Variants in RBFOX1 observed in about 807,000 individuals in gnomAD.
RBFOX1 encodes the protein RNA binding protein fox-1 homolog 1.
In RBFOX1, 8 loss-of-function variants were observed where a neutral mutation model predicts 57.7. The observed-to-expected ratio is 0.14, with a 90% CI of 0.08 to 0.25. The LOEUF (loss-of-function observed/expected upper bound fraction) is 0.25. Among genes scored for constraint, RBFOX1 ranks in the 10% least tolerant of loss-of-function variants. RBFOX1 has a pLI of 1.00. For missense variants in RBFOX1, 611 were observed against 548.5 expected (o/e 1.11, Z -1.14); for synonymous variants, 326 against 222.4 (o/e 1.47, Z -4.15).
At chr16:6,799,494 G>C (rs571652337) in intron 3 of RBFOX1, among the ~76,000 whole-genome samples, 2 of 152,246 alleles carry the variant, frequency 1.3e-5, no homozygotes, top group African/African-American at 2.4e-5. Flanking sequence ...TAACTTGATT[G>C]GATTGAAGGA....
At chr16:7,127,424 C>G (rs771627655) in intron 4 of RBFOX1, among the ~76,000 whole-genome samples, 3 of 152,100 alleles carry the variant, frequency 2.0e-5, no homozygotes, top group Non-Finnish European at 2.9e-5. Flanking sequence ...ACTATTATCC[C>G]CATCTTATAT....
chr16:6,424,792 A>T (rs1255813132), intron 2 of RBFOX1, among the ~76,000 whole-genome samples: 1 of 152,164 alleles, frequency 6.6e-6, no homozygotes, highest in Non-Finnish European at 1.5e-5. Flanking sequence ...CGTTGCAACC[A>T]TGGTAAATAA....
chr16:6,850,266 A>C (rs776911514), intron 3 of RBFOX1, among the ~76,000 whole-genome samples: 1 of 152,222 alleles, frequency 6.6e-6, no homozygotes, highest in Non-Finnish European at 1.5e-5. Context: ...TAAAAAATAA[A>C]AGTAAATAAA....
chr16:6,742,131 T>C (rs548116026), intron 3 of RBFOX1, among the ~76,000 whole-genome samples: 2 of 152,282 alleles, frequency 1.3e-5, no homozygotes, highest in South Asian at 2.1e-4. Flanking sequence ...AATTTTAAAA[T>C]GTCAAAGAGT....
chr16:5,558,330 C>T (rs1033720058), intron 2 of RBFOX1, among the ~76,000 whole-genome samples: 2 of 152,268 alleles, frequency 1.3e-5, no homozygotes, highest in East Asian at 3.9e-4. Context: ...AGACACCCAA[C>T]CCTAGATGCA....
At chr16:7,473,790 C>T (rs2062045915) in intron 4 of RBFOX1, among the ~76,000 whole-genome samples, 1 of 151,932 alleles carries the variant, frequency 6.6e-6, no homozygotes, top group Admixed American at 6.6e-5. Flanking sequence ...AGTGTGTAGA[C>T]ATTCATTCTC....
intron 10 of RBFOX1, among the ~76,000 whole-genome samples, chr16:7,612,636 C>G (rs977858313): frequency 1.3e-5 from 2 of 151,862 alleles, no homozygotes; most frequent in South Asian, 2.1e-4. Flanking sequence ...TTTTTAAAAG[C>G]AGTATCTTCT....
chr16:5,983,595 T>G (rs1287600948), intron 4 of RBFOX1, among the ~76,000 whole-genome samples: 1 of 152,170 alleles, frequency 6.6e-6, no homozygotes, highest in Non-Finnish European at 1.5e-5. Context: ...ATGGCTCAGG[T>G]GCTCAGGAAG....
intron 3 of RBFOX1, among the ~76,000 whole-genome samples, chr16:6,790,455 G>T (rs977533637): frequency 6.6e-6 from 1 of 152,130 alleles, no homozygotes; most frequent in Admixed American, 6.5e-5. Context: ...AAAGTGCTGG[G>T]AATACAGGCG....
chr16:5,530,860 G>C (rs1027355236), intron 2 of RBFOX1, among the ~76,000 whole-genome samples: 1 of 148,520 alleles, frequency 6.7e-6, no homozygotes, highest in Non-Finnish European at 1.5e-5. Flanking sequence ...GGCCTAGGTG[G>C]GCGGATCATC....
At chr16:7,269,061 A>AG (rs1235295368) in intron 4 of RBFOX1, among the ~76,000 whole-genome samples, 1 of 150,284 alleles carries the variant, frequency 6.7e-6, no homozygotes, top group Admixed American at 6.6e-5. Context: ...AAAAAAAAAA[A>AG]AAAAAAAAAG....
chr16:6,978,512 A>G (rs1255090040), intron 3 of RBFOX1, among the ~76,000 whole-genome samples: 5 of 152,344 alleles, frequency 3.3e-5, no homozygotes, highest in Middle Eastern at 3.4e-3. Flanking sequence ...TTTTACAGAA[A>G]GGGAAGCTGA....
At chr16:6,695,938 CT>C (rs1339475704) in intron 3 of RBFOX1, among the ~76,000 whole-genome samples, 10 of 152,144 alleles carry the variant, frequency 6.6e-5, no homozygotes, top group African/African-American at 2.4e-4. Flanking sequence ...CTGACTGTTC[CT>C]TTTATAACCA....
At chr16:6,600,382 C>T (rs1387523703) in intron 2 of RBFOX1, among the ~76,000 whole-genome samples, 4 of 152,082 alleles carry the variant, frequency 2.6e-5, no homozygotes, top group African/African-American at 7.2e-5. Context: ...TCACATGTTC[C>T]GTTACAATCA....
intron 3 of RBFOX1, among the ~76,000 whole-genome samples, chr16:7,007,300 G>A (rs1568341378): frequency 6.6e-6 from 1 of 152,120 alleles, no homozygotes; most frequent in African/African-American, 2.4e-5. Context: ...AGTCAGCAAT[G>A]GTACGAATGC....
chr16:7,029,079 TATACACACAC>T (rs1264627143), intron 3 of RBFOX1, among the ~76,000 whole-genome samples: 5 of 36,982 alleles, frequency 1.4e-4, no homozygotes, highest in Admixed American at 7.3e-4. Context: ...TATATATATA[TATACACACAC>T]ACACACACAC....
At chr16:6,155,366 C>A (rs927282498) in intron 1 of RBFOX1, among the ~76,000 whole-genome samples, 3 of 152,154 alleles carry the variant, frequency 2.0e-5, no homozygotes, top group Non-Finnish European at 4.4e-5. Context: ...GGCAGCCTGG[C>A]CCACAGATTT....
intron 1 of RBFOX1, among the ~76,000 whole-genome samples, chr16:6,196,325 G>A (rs1476842580): frequency 1.3e-5 from 2 of 152,190 alleles, no homozygotes; most frequent in East Asian, 3.9e-4. Context: ...TACTGGATAT[G>A]TTATTTTGAG....
At chr16:6,098,030 C>G (rs2096265420) in intron 1 of RBFOX1, among the ~76,000 whole-genome samples, 1 of 152,268 alleles carries the variant, frequency 6.6e-6, no homozygotes, top group Non-Finnish European at 1.5e-5. Flanking sequence ...CTGGTGCTCA[C>G]TTGGCATAGC....
Sources: gnomAD v4.1 joint callset for allele counts (sites outside exome capture counted in the v4.1 genomes callset) on GRCh38, gnomAD v4.1.1 for gene constraint, MANE v1.5 for transcripts, NCBI Gene and HGNC (gene_info 2026-07-23, HGNC 2026-07-21) for gene names.